GIPC3: variants seen among roughly 807,000 people sequenced by gnomAD.
GIPC3 encodes the protein PDZ domain-containing protein GIPC3.
A neutral mutation model predicts 27.3 loss-of-function variants in GIPC3; 16 were observed. The observed-to-expected ratio is 0.59, with a 90% CI of 0.40 to 0.89. The LOEUF is 0.89. Ranked by LOEUF, GIPC3 falls within the 40% of genes least tolerant of loss-of-function variation. The probability of loss-of-function intolerance (pLI) is 0.00; values close to 1 mark genes in which losing one functional copy is unlikely to be tolerated. For synonymous variants in GIPC3, 194 were observed against 184.6 expected, an observed-to-expected ratio of 1.05 and a Z score of -0.41; for missense variants, 440 against 442.1, an observed-to-expected ratio of 1.00 and a Z score of 0.04.
chr19:3,591,465 A>G lies in GIPC3; in HGVS notation c.*1275A>G. 8.1e-7 allele frequency: 1 copy of G among 1,232,352 alleles called. No individual in the cohort carries two copies. Among genetic ancestry groups the G allele is most frequent in the Non-Finnish European group, 1.0e-6 (1 of 988,226 alleles). The allele number at this position is 1,232,352 out of a possible 1,614,324, so 76.3% of individuals were successfully genotyped here. On this transcript the variant is annotated 3_prime_UTR_variant, in exon 6 of 6. Transcript: ENST00000644452. ...CTCTGGAACTCTGGACAGCTCCACG[A>G]TGCAGCCACACCTGGACACTCGGTC...
At position 3,589,523 on chromosome 19, in the gene GIPC3, C is replaced by T. The variant is rs201875016; in HGVS notation, c.673C>T (p.Arg225Cys). ...VTSGRETLRL[R>C]SGGAATVEEA... ...CAGCGGGAGGGAGACCCTGCGGCTT[C>T]GTTCTGGGGGGGCTGCCACAGTGGA... is the stretch of plus-strand genomic sequence containing the variant. The change falls in exon 4 of 6, where the codon CGT becomes TGT. Residue 225 changes from arginine (R) to cysteine (C), a missense_variant. Coordinates refer to ENST00000644452, the MANE Select transcript of GIPC3 (RefSeq NM_133261.3). 1.8e-4 allele frequency: 288 copies of T among 1,613,936 alleles called. 5 individuals are homozygous for T. The East Asian group carries it at 4.8e-3, about 27-fold the overall frequency.
chr19:3,586,415 G>C, intron 1 of GIPC3, 80 bp from the exon 2 acceptor site: 1 of 1,304,064 alleles, frequency 7.7e-7, no homozygotes, highest in Non-Finnish European at 1.1e-6. Context: ...GTCGCTGGGG[G>C]CAGGGGCCTG....
In GIPC3 at chr19:3,585,769, G is replaced by A. The variant is rs889681720; in HGVS notation, c.172G>A (p.Val58Ile). 41 of 1,547,396 alleles carry A rather than the reference G, an allele frequency of 2.6e-5. No homozygotes were observed. The highest frequency in any genetic ancestry group is 3.3e-5 in the Non-Finnish European group (38 of 1,146,168). ...GGGCAAGATCGAGGGCTTCACCAACGTCCGCGAGCTGTACGCCAAGATCGC... is the reference window on the plus strand; with the variant it reads ...GGGCAAGATCGAGGGCTTCACCAACATCCGCGAGCTGTACGCCAAGATCGC... ...PTGKIEGFTN[V>I]RELYAKIAEA... Residue 58 changes from valine (V) to isoleucine (I), a missense_variant, in exon 1 of 6, where the codon GTC becomes ATC. By Grantham distance (29) the Val-to-Ile change is conservative (BLOSUM62 3). Coordinates refer to ENST00000644452, the MANE Select transcript of GIPC3 (RefSeq NM_133261.3).
intron 1 of GIPC3, among the ~76,000 whole-genome samples, chr19:3,586,177 G>C (rs977974171): frequency 3.3e-5 from 5 of 152,182 alleles, no homozygotes; most frequent in Admixed American, 2.6e-4. Context: ...CCTTAGGGAT[G>C]GGAAGTTTGA....
chr19:3,585,738 C>T lies in GIPC3; in HGVS notation c.141C>T (p.Ser47=), dbSNP rs1182402374. 1.9e-5 allele frequency: 29 copies of T among 1,537,070 alleles called. No homozygotes were observed. The highest frequency in any genetic ancestry group is 2.5e-5 in the Non-Finnish European group (28 of 1,141,420). The change falls in exon 1 of 6, where the codon AGC becomes AGT. Residue 47 remains serine (S), a synonymous_variant. Transcript: ENST00000644452. The part of the protein sequence containing the change: ...LVFRTQLAHG[S]PTGKIEGFTN... Reference sequence around the variant, plus strand: ...TCCGCACGCAGCTGGCGCACGGGAGCCCCACGGGCAAGATCGAGGGCTTCA... The same window carrying T: ...TCCGCACGCAGCTGGCGCACGGGAGTCCCACGGGCAAGATCGAGGGCTTCA...
chr19:3,585,682 GCCGCGCCCCGCGCCCGC>G lies in GIPC3; in HGVS notation c.93_109del (p.Ala33LeufsTer79). 1 of 1,384,080 alleles carries G rather than the reference GCCGCGCCCCGCGCCCGC, an allele frequency of 7.2e-7. No homozygotes were observed. Among genetic ancestry groups the G allele is most frequent in the South Asian group, 1.6e-5 (1 of 62,946 alleles). The allele number at this position is 1,384,080 out of a possible 1,614,324, so 85.7% of individuals were successfully genotyped here. ...CCCGCCCGCGCCCTCGGAGCCCCCG[GCCGCGCCCCGCGCCCGC>G]CCGCGCCTCGTCTTCCGCACGCAGC... On this transcript the variant is annotated frameshift_variant, in exon 1 of 6. Transcript: ENST00000644452. LOFTEE classifies it high-confidence loss of function.
At position 3,590,106 on chromosome 19, in the gene GIPC3, C is replaced by G. The variant is rs766192644; in HGVS notation, c.855C>G (p.Ser285=). 8 of 1,611,136 alleles carry G rather than the reference C, an allele frequency of 5.0e-6. No homozygotes were observed. In the Admixed American group the frequency reaches 1.0e-4, roughly 20 times the overall value. Residue 285 remains serine (S), a synonymous_variant, in exon 6 of 6, where the codon TCC becomes TCG. Coordinates refer to ENST00000644452, the MANE Select transcript of GIPC3 (RefSeq NM_133261.3). ...AGGAGTTTGCACGCTGTTTAGACTC[C>G]GTCTTGGGCGAGTTCGCCTTCCCCG... ...SAQEFARCLD[S]VLGEFAFPDE... is the part of the protein sequence containing the mutation.
At position 3,592,489 on chromosome 19, in the gene GIPC3, G is replaced by T; in HGVS notation, c.*2299G>T. The stretch of plus-strand genomic sequence containing the variant: ...AGTTCTGGAAACCAGCTCAGCTCCG[G>T]GACCCAGACCACTGCAAGAATTCAG... On this transcript the variant is annotated 3_prime_UTR_variant, in exon 6 of 6. Transcript: ENST00000644452. 1 of 1,231,946 alleles carries T rather than the reference G, an allele frequency of 8.1e-7. No homozygotes were observed. Among genetic ancestry groups the T allele is most frequent in the Non-Finnish European group, 1.0e-6 (1 of 987,990 alleles). 76.3% of individuals were successfully genotyped at this position (1,231,946 alleles called of 1,614,324 possible).
rs2032525617 is a variant in GIPC3 at position 3,593,304 on chromosome 19, G to A, written c.*3114G>A. On this transcript the variant is annotated 3_prime_UTR_variant, in exon 6 of 6. Coordinates refer to ENST00000644452, the MANE Select transcript of GIPC3 (RefSeq NM_133261.3). ...GGGGCCGTAGCTTGGCTGTGACTTA[G>A]CCCTGGTTCATGTGGTTCTCGTCCT... The A allele has an allele frequency of 2.4e-6, 3 of 1,232,246 alleles. No individual in the cohort carries two copies. The highest frequency in any genetic ancestry group is 3.0e-6 in the Non-Finnish European group (3 of 988,206). The allele number at this position is 1,232,246 out of a possible 1,614,324, so 76.3% of individuals were successfully genotyped here.
Position 3,593,277 on chromosome 19 carries a change from GGGGGGCC to G in GIPC3, c.*3089_*3095del. 1 of 1,232,364 alleles carries G rather than the reference GGGGGGCC, an allele frequency of 8.1e-7. No individual in the cohort carries two copies. The highest frequency in any genetic ancestry group is 3.2e-5 in the East Asian group (1 of 31,714). The allele number at this position is 1,232,364 out of a possible 1,614,324, so 76.3% of individuals were successfully genotyped here. On this transcript the variant is annotated 3_prime_UTR_variant, in exon 6 of 6. Coordinates refer to ENST00000644452, the MANE Select transcript of GIPC3 (RefSeq NM_133261.3). Reference sequence around the variant, plus strand: ...GGAGCCAGGAGCCCGCCCTTACCGCGGGGGGCCGTAGCTTGGCTGTGACTTAGCCCTG... The same window carrying G: ...GGAGCCAGGAGCCCGCCCTTACCGCGGTAGCTTGGCTGTGACTTAGCCCTG...
Position 3,585,819 on chromosome 19 carries a change from C to T in GIPC3, c.222C>T (p.Thr74=), listed in dbSNP as rs993841698. The change falls in exon 1 of 6, where the codon ACC becomes ACT. Residue 74 remains threonine, a synonymous_variant. Transcript: ENST00000644452. ...CCGAAGCCTTCGGGATCGCGCCCAC[C>T]GAGGTAAGGAGCCCGGACACCGGCG... The part of the protein sequence containing the change: ...KIAEAFGIAP[T]EILFCTLNSH... The T allele has an allele frequency of 1.9e-6, 3 of 1,544,250 alleles. No homozygotes were observed. Among genetic ancestry groups the T allele is most frequent in the South Asian group, 2.4e-5 (2 of 83,964 alleles).
intron 3 of GIPC3, among the ~76,000 whole-genome samples, chr19:3,588,495 A>G (rs2145272254): frequency 6.6e-6 from 1 of 152,126 alleles, no homozygotes; most frequent in Middle Eastern, 3.4e-3. Flanking sequence ...ATGGGGTTCT[A>G]GAATCTGCCC....
chr19:3,585,943 A>C, intron 1 of GIPC3, 121 bp downstream of exon 1: 2 of 1,438,722 alleles, frequency 1.4e-6, no homozygotes, highest in African/African-American at 1.5e-5. Context: ...TGGCCGCCTA[A>C]TCGCCGGATC....
At position 3,590,982 on chromosome 19, in the gene GIPC3, C is replaced by T; in HGVS notation, c.*792C>T. On this transcript the variant is annotated 3_prime_UTR_variant, in exon 6 of 6. Transcript: ENST00000644452. ...TGAGACCAAGCCCTGTTCTAGAGTC[C>T]AGGCCAGCTCCGAGACCAAGCCCAG... 1 of 1,233,412 alleles carries T rather than the reference C, an allele frequency of 8.1e-7. No homozygotes were observed. Among genetic ancestry groups the T allele is most frequent in the Non-Finnish European group, 1.0e-6 (1 of 989,100 alleles). 76.4% of individuals were successfully genotyped at this position (1,233,412 alleles called of 1,614,324 possible). A position where few individuals can be genotyped will look rare whatever the true frequency, so the allele number is the denominator to read the frequency against.
Position 3,592,191 on chromosome 19 carries a change from C to T in GIPC3, c.*2001C>T, listed in dbSNP as rs922090714. The stretch of plus-strand genomic sequence containing the variant: ...CAGCAGGTCCAGCTCCAGGACCCAG[C>T]GCTGCCCAGGAGCTCGACCAGCCTC... On this transcript the variant is annotated 3_prime_UTR_variant, in exon 6 of 6. Transcript: ENST00000644452. The T allele has an allele frequency of 1.1e-5, 13 of 1,232,104 alleles. No individual in the cohort carries two copies. The highest frequency in any genetic ancestry group is 1.6e-5 in the African/African-American group (1 of 64,516). The allele number at this position is 1,232,104 out of a possible 1,614,324, so 76.3% of individuals were successfully genotyped here. A position where few individuals can be genotyped will look rare whatever the true frequency, so the allele number is the denominator to read the frequency against.
rs1207268341 is a variant in GIPC3, at chr19:3,592,927, C to T, written c.*2737C>T. On this transcript the variant is annotated 3_prime_UTR_variant, in exon 6 of 6. Transcript: ENST00000644452. ...GCCCCTGCCCCAGCCCAACCTCAGC[C>T]CCCAGGCCCATCCCCCAGAGACCCC... 3 of 1,229,134 alleles carry T rather than the reference C, an allele frequency of 2.4e-6. No homozygotes were observed. The highest frequency in any genetic ancestry group is 3.0e-6 in the Non-Finnish European group (3 of 985,894). The allele number at this position is 1,229,134 out of a possible 1,614,324, so 76.1% of individuals were successfully genotyped here. A position where few individuals can be genotyped will look rare whatever the true frequency, so the allele number is the denominator to read the frequency against.
intron 3 of GIPC3, among the ~76,000 whole-genome samples, chr19:3,588,615 C>T (rs2032420028): frequency 6.9e-6 from 1 of 144,146 alleles, no homozygotes; most frequent in South Asian, 2.2e-4. Flanking sequence ...AGGTGGATCA[C>T]CTGAGGTCAG....
chr19:3,586,800 C>G lies in GIPC3; in HGVS notation c.412-14C>G. On this transcript the variant is annotated splice_polypyrimidine_tract_variant and intron_variant, in intron 2 of 5. Coordinates refer to ENST00000644452, the MANE Select transcript of GIPC3 (RefSeq NM_133261.3). ...GGCTGGGGTTGCCCTGCCAGCGACG[C>G]TGGATCCCTGCAGAGAATCAAGGAA... 6.2e-7 allele frequency: 1 copy of G among 1,613,188 alleles called. No individual in the cohort carries two copies. Among genetic ancestry groups the G allele is most frequent in the East Asian group, 2.2e-5 (1 of 44,856 alleles).
Position 3,593,425 on chromosome 19 carries a change from G to A in GIPC3, c.*3235G>A. 1.4e-6 allele frequency: 1 copy of A among 738,860 alleles called. No individual in the cohort carries two copies. Among genetic ancestry groups the A allele is most frequent in the Non-Finnish European group, 1.9e-6 (1 of 538,058 alleles). The allele number at this position is 738,860 out of a possible 1,614,324, so 45.8% of individuals were successfully genotyped here. A position where few individuals can be genotyped will look rare whatever the true frequency, so the allele number is the denominator to read the frequency against. Reference sequence around the variant, plus strand: ...GGAGTGTGCGGTGGTGAAAACAGGGGCTTCACCGGTCCTGGCTCAGATCCA... The same window carrying A: ...GGAGTGTGCGGTGGTGAAAACAGGGACTTCACCGGTCCTGGCTCAGATCCA... On this transcript the variant is annotated 3_prime_UTR_variant, in exon 6 of 6. Coordinates refer to ENST00000644452, the MANE Select transcript of GIPC3 (RefSeq NM_133261.3).
Sources: gnomAD v4.1 joint callset for allele counts (sites outside exome capture counted in the v4.1 genomes callset) on GRCh38, gnomAD v4.1.1 for gene constraint, MANE v1.5 for transcripts, NCBI Gene and HGNC (gene_info 2026-07-23, HGNC 2026-07-21) for gene names.